The following PHF14 variants were observed in gnomAD, a reference collection of about 807,000 sequenced individuals.
PHF14 encodes the protein PHD finger protein 14.
A neutral mutation model predicts 117.9 loss-of-function variants in PHF14; 55 were observed. That is an observed-to-expected ratio of 0.47 (90% confidence interval 0.38 to 0.58). The LOEUF is 0.58. Among genes scored for constraint, PHF14 ranks in the 20% least tolerant of loss-of-function variants. The pLI is 0.00. For synonymous variants in PHF14, 409 were observed against 368.6 expected (o/e 1.11, Z -1.26); for missense variants, 978 against 1,122.2 (o/e 0.87, Z 1.84).
chr7:11,100,016 A>T (rs1787028214), intron 16 of PHF14, among the ~76,000 whole-genome samples: 1 of 152,098 alleles, frequency 6.6e-6, no homozygotes, highest in South Asian at 2.1e-4. Flanking sequence ...AAAAATTTAA[A>T]CACTTGGAGT....
chr7:11,121,038 C>T (rs560569225), intron 17 of PHF14, among the ~76,000 whole-genome samples: 7 of 152,132 alleles, frequency 4.6e-5, no homozygotes, highest in African/African-American at 9.6e-5. Context: ...AAAATGTAAA[C>T]GTAACAAACC....
chr7:11,045,567 A>G lies in PHF14; in HGVS notation c.2312+2753A>G, dbSNP rs543970087. Among the ~76,000 whole-genome samples, 3 of 152,326 alleles carry G rather than the reference A, an allele frequency of 2.0e-5. No individual in the cohort carries two copies. In the East Asian group the frequency reaches 5.8e-4, roughly 29 times the overall value. On this transcript the variant is annotated intron_variant, in intron 13 of 17. Coordinates refer to ENST00000634607, the MANE Select transcript of PHF14 (RefSeq NM_001007157.2). ...CTAATAACTATTTTAAGCACTTGCT[A>G]TCCAGCCTTTTCTTCCAGTACCAGC...
intron 3 of PHF14, among the ~76,000 whole-genome samples, chr7:10,986,122 A>G (rs182225325): frequency 4.9e-4 from 74 of 151,164 alleles, no homozygotes; most frequent in Non-Finnish European, 7.5e-4. Context: ...GTGTACGACA[A>G]CGACTGGCTA....
At chr7:11,073,564 T>G (rs1164902875) in intron 16 of PHF14, among the ~76,000 whole-genome samples, 1 of 152,168 alleles carries the variant, frequency 6.6e-6, no homozygotes, top group Non-Finnish European at 1.5e-5. Flanking sequence ...CTGTGGCTTT[T>G]CCAGGCTCAG....
chr7:11,062,985 CAT>C, intron 16 of PHF14: 1 of 858,008 alleles, frequency 1.2e-6, no homozygotes, highest in Non-Finnish European at 1.4e-6. Context: ...AAAGAATAAA[CAT>C]ATTGATAAAA....
intron 17 of PHF14, among the ~76,000 whole-genome samples, chr7:11,146,034 T>C (rs1788541908): frequency 6.6e-6 from 1 of 152,138 alleles, no homozygotes. Context: ...AAATGTCTTG[T>C]TGGAAAATCT....
chr7:11,038,136 G>A (rs996398830), intron 10 of PHF14, among the ~76,000 whole-genome samples: 9 of 152,140 alleles, frequency 5.9e-5, no homozygotes, highest in African/African-American at 1.2e-4. Context: ...TATGGAGGCC[G>A]AGCGCAGTGG....
chr7:11,002,742 C>G (rs1461978748), intron 4 of PHF14, among the ~76,000 whole-genome samples: 2 of 151,840 alleles, frequency 1.3e-5, no homozygotes, highest in Admixed American at 1.3e-4. Flanking sequence ...CCGCGCCCGG[C>G]CAAAAATTAA....
At chr7:11,111,503 T>C (rs755685259) in intron 17 of PHF14, 36 bp downstream of exon 17, 2 of 1,025,474 alleles carry the variant, frequency 2.0e-6, no homozygotes, top group Non-Finnish European at 1.5e-6. Flanking sequence ...GGTATTGGTG[T>C]CCTTCCGTTT....
intron 16 of PHF14, among the ~76,000 whole-genome samples, chr7:11,087,207 G>T (rs35265144): frequency 0.51 from 76,810 of 149,958 alleles, 20,376 homozygotes; most frequent in East Asian, 0.85. Context: ...CTTTTTTTTT[G>T]TTAAGATGGA....
chr7:11,127,071 C>G (rs1787947948), intron 17 of PHF14, among the ~76,000 whole-genome samples: 1 of 152,052 alleles, frequency 6.6e-6, no homozygotes, highest in East Asian at 1.9e-4. Flanking sequence ...TACTCTCAGA[C>G]AAATCTTACA....
chr7:11,128,455 C>T (rs754639145), intron 17 of PHF14, among the ~76,000 whole-genome samples: 58 of 151,714 alleles, frequency 3.8e-4, no homozygotes, highest in Non-Finnish European at 7.2e-4. Flanking sequence ...TTATTCCAAA[C>T]ATCTCCTTTC....
chr7:10,984,715 C>T (rs762265972), intron 3 of PHF14, among the ~76,000 whole-genome samples: 4 of 152,102 alleles, frequency 2.6e-5, no homozygotes, highest in Non-Finnish European at 4.4e-5. Flanking sequence ...GAATTTGCCA[C>T]GTAAAGTGTG....
At chr7:11,014,164 G>C (rs935535784) in intron 5 of PHF14, among the ~76,000 whole-genome samples, 2 of 152,032 alleles carry the variant, frequency 1.3e-5, no homozygotes, top group Non-Finnish European at 2.9e-5. Flanking sequence ...AGGTGGTAAC[G>C]TTTCTCATTT....
At chr7:11,089,285 A>G (rs1200091877) in intron 16 of PHF14, among the ~76,000 whole-genome samples, 1 of 152,248 alleles carries the variant, frequency 6.6e-6, no homozygotes, top group Non-Finnish European at 1.5e-5. Context: ...TATGCAGTAT[A>G]CTAAATAAGG....
chr7:11,063,820 A>G (rs73678575), intron 16 of PHF14: 4,002 of 304,692 alleles, frequency 0.013, 163 homozygotes, highest in African/African-American at 0.086. Flanking sequence ...TTTGAATAGT[A>G]TTACTCTATG....
chr7:11,112,252 A>T (rs1583474886), intron 17 of PHF14, among the ~76,000 whole-genome samples: 2 of 152,192 alleles, frequency 1.3e-5, no homozygotes, highest in South Asian at 4.1e-4. Flanking sequence ...CTGTTGTATT[A>T]TGGACATCCA....
intron 16 of PHF14, among the ~76,000 whole-genome samples, chr7:11,079,900 A>G (rs1337709750): frequency 6.6e-6 from 1 of 152,084 alleles, no homozygotes; most frequent in African/African-American, 2.4e-5. Flanking sequence ...GCTTTATGAC[A>G]TAGAAATTAC....
chr7:11,131,503 T>C (rs1788089739), intron 17 of PHF14, among the ~76,000 whole-genome samples: 1 of 151,924 alleles, frequency 6.6e-6, no homozygotes, highest in South Asian at 2.1e-4. Flanking sequence ...GGTTGTAAAA[T>C]TATTGTTTAA....
Sources: allele counts gnomAD v4.1 joint callset (sites outside exome capture counted in the v4.1 genomes callset), GRCh38; gene constraint gnomAD v4.1.1; transcripts MANE v1.5; gene names NCBI Gene and HGNC (gene_info 2026-07-23, HGNC 2026-07-21).